LRP1B: variants seen among roughly 807,000 people sequenced by gnomAD.
LRP1B encodes the protein low-density lipoprotein receptor-related protein 1B.
LRP1B carries 217 observed loss-of-function variants against 556.6 expected under a neutral mutation model. The ratio of observed to expected loss-of-function variants is 0.39; its 90% CI spans 0.35 to 0.44. The LOEUF is 0.44. LRP1B is among the 20% of genes least tolerant of loss of function. The pLI, the probability that LRP1B is intolerant of heterozygous loss-of-function variation, is 1.00. For synonymous variants in LRP1B, 2,047 were observed against 1,865.8 expected (o/e 1.10, Z -2.50); for missense variants, 5,053 against 5,620.8 (o/e 0.90, Z 3.23).
chr2:141,483,863 G>A (rs1194778802), intron 2 of LRP1B, among the ~76,000 whole-genome samples: 1 of 150,072 alleles, frequency 6.7e-6, no homozygotes, highest in Non-Finnish European at 1.5e-5. Flanking sequence ...CTGGATATTA[G>A]CCCTTTGTCA....
At position 141,020,105 on chromosome 2, in the gene LRP1B, A is replaced by AT; in HGVS notation, c.1790-4dup. 2 of 1,494,642 alleles carry AT rather than the reference A, an allele frequency of 1.3e-6. No homozygotes were observed. Among genetic ancestry groups the AT allele is most frequent in the Non-Finnish European group, 1.8e-6 (2 of 1,116,820 alleles). The allele number at this position is 1,494,642 out of a possible 1,614,324, so 92.6% of individuals were successfully genotyped here. A position where few individuals can be genotyped will look rare whatever the true frequency, so the allele number is the denominator to read the frequency against. Reference sequence around the variant, plus strand: ...AATGCCCTCTACATTATCCAGATCTATAAAAAAAGCAAAAACAAGAAAGAA... The same window carrying AT: ...AATGCCCTCTACATTATCCAGATCTATTAAAAAAAGCAAAAACAAGAAAGAA... On this transcript the variant is annotated splice_polypyrimidine_tract_variant and splice_region_variant and intron_variant, in intron 11 of 90. Coordinates refer to ENST00000389484, the MANE Select transcript of LRP1B (RefSeq NM_018557.3).
At chr2:140,670,511 C>T (rs1381988422) in intron 41 of LRP1B, among the ~76,000 whole-genome samples, 1 of 152,094 alleles carries the variant, frequency 6.6e-6, no homozygotes, top group African/African-American at 2.4e-5. Context: ...GGTGGAAGAT[C>T]TATTTAGGAG....
At chr2:141,748,055 C>G (rs965365149) in intron 2 of LRP1B, among the ~76,000 whole-genome samples, 20 of 152,240 alleles carry the variant, frequency 1.3e-4, no homozygotes, top group African/African-American at 4.6e-4. Flanking sequence ...TGAAAGGATG[C>G]ACAACATAGT....
At chr2:141,350,422 A>G (rs539391098) in intron 3 of LRP1B, among the ~76,000 whole-genome samples, 1 of 152,158 alleles carries the variant, frequency 6.6e-6, no homozygotes, top group Admixed American at 6.5e-5. Flanking sequence ...AAGGTTTGAA[A>G]GAAAATTTGG....
At chr2:141,944,311 C>A (rs774614981) in intron 1 of LRP1B, among the ~76,000 whole-genome samples, 4 of 152,164 alleles carry the variant, frequency 2.6e-5, no homozygotes, top group Non-Finnish European at 4.4e-5. Flanking sequence ...TGTTGGAATG[C>A]TACTGAAAAG....
At chr2:140,286,663 T>C (rs1683164993) in intron 84 of LRP1B, among the ~76,000 whole-genome samples, 2 of 151,986 alleles carry the variant, frequency 1.3e-5, no homozygotes, top group South Asian at 4.1e-4. Flanking sequence ...TTTCAATGAC[T>C]CAATGCAAAA....
At chr2:142,003,623 A>G (rs1270305330) in intron 1 of LRP1B, among the ~76,000 whole-genome samples, 1 of 152,206 alleles carries the variant, frequency 6.6e-6, no homozygotes, top group African/African-American at 2.4e-5. Context: ...TGCGATGGCA[A>G]CAATAGATAG....
In LRP1B at chr2:140,325,861, A is replaced by G. The variant is rs1434604951; in HGVS notation, c.12241T>C (p.Phe4081Leu). 1.2e-6 allele frequency: 2 copies of G among 1,611,794 alleles called. No individual in the cohort carries two copies. Among genetic ancestry groups the G allele is most frequent in the African/African-American group, 2.7e-5 (2 of 74,986 alleles). ...QRPTGLAVDY[F>L]SERIYWADFE... ...TCAGCCCAATATATGCGTTCACTAAAATAATCCACAGCCAAACCTGCAAAA... is the reference window on the plus strand; with the variant it reads ...TCAGCCCAATATATGCGTTCACTAAGATAATCCACAGCCAAACCTGCAAAA... Residue 4081 changes from phenylalanine (F) to leucine (L), a missense_variant, in exon 80 of 91, where the codon TTT becomes CTT. This residue lies in a region of LRP1B where 22 missense variants were observed against 53.4 expected (regional missense o/e 0.41). Coordinates refer to ENST00000389484, the MANE Select transcript of LRP1B (RefSeq NM_018557.3).
intron 1 of LRP1B, among the ~76,000 whole-genome samples, chr2:141,930,030 G>A (rs1186843333): frequency 6.6e-6 from 1 of 150,522 alleles, no homozygotes; most frequent in African/African-American, 2.4e-5. Context: ...AAATGACCCT[G>A]GCAAATGAGG....
intron 1 of LRP1B, among the ~76,000 whole-genome samples, chr2:141,986,964 G>A (rs922430550): frequency 1.3e-5 from 2 of 151,908 alleles, no homozygotes; most frequent in African/African-American, 4.8e-5. Flanking sequence ...TATGACCTTG[G>A]TAAGTATTTA....
chr2:141,695,958 G>A (rs1368349394), intron 2 of LRP1B, among the ~76,000 whole-genome samples: 1 of 151,864 alleles, frequency 6.6e-6, no homozygotes. Flanking sequence ...AATGAATTTA[G>A]TTCTCCTTGA....
At chr2:141,673,790 C>T (rs2105417242) in intron 2 of LRP1B, among the ~76,000 whole-genome samples, 1 of 152,010 alleles carries the variant, frequency 6.6e-6, no homozygotes, top group East Asian at 1.9e-4. Flanking sequence ...CATTTCAAAT[C>T]TATATTACAT....
intron 1 of LRP1B, among the ~76,000 whole-genome samples, chr2:142,050,378 G>T (rs1323759871): frequency 6.6e-6 from 1 of 151,950 alleles, no homozygotes; most frequent in Non-Finnish European, 1.5e-5. Context: ...TAGCTTGTGT[G>T]TAAGCCATAA....
intron 3 of LRP1B, among the ~76,000 whole-genome samples, chr2:141,415,140 C>G (rs200499892): frequency 6.6e-6 from 1 of 152,022 alleles, no homozygotes; most frequent in South Asian, 2.1e-4. Flanking sequence ...TCAGCCTCCC[C>G]AGTAGCTGGG....
intron 66 of LRP1B, among the ~76,000 whole-genome samples, chr2:140,391,656 G>T (rs1205673235): frequency 6.6e-6 from 1 of 152,042 alleles, no homozygotes; most frequent in Admixed American, 6.6e-5. Context: ...GAATTACAGA[G>T]AATTGCCTGT....
At chr2:141,274,561 T>C (rs747873235) in intron 3 of LRP1B, among the ~76,000 whole-genome samples, 4 of 151,946 alleles carry the variant, frequency 2.6e-5, no homozygotes, top group African/African-American at 9.7e-5. Flanking sequence ...TGTGGGAAAA[T>C]GAGGAGTGAC....
At chr2:142,091,685 A>T (rs1303809757) in intron 1 of LRP1B, among the ~76,000 whole-genome samples, 1 of 152,154 alleles carries the variant, frequency 6.6e-6, no homozygotes, top group African/African-American at 2.4e-5. Flanking sequence ...TCTTTCTTCA[A>T]AGTAAAACTC....
chr2:140,273,399 ATTACT>A (rs72449413), intron 85 of LRP1B, among the ~76,000 whole-genome samples: 9,703 of 152,086 alleles, frequency 0.064, 442 homozygotes, highest in African/African-American at 0.12. Context: ...CATATTTTCA[ATTACT>A]TTACTAAAAA....
intron 41 of LRP1B, among the ~76,000 whole-genome samples, chr2:140,615,422 A>G (rs930836061): frequency 2.0e-5 from 3 of 152,056 alleles, no homozygotes; most frequent in Non-Finnish European, 2.9e-5. Context: ...CTGTCTGACC[A>G]CTTGGATAAC....
Sources: gnomAD v4.1 joint callset for allele counts (sites outside exome capture counted in the v4.1 genomes callset) on GRCh38, gnomAD v4.1.1 for gene constraint, gnomAD v4.1.1 regional missense constraint, MANE v1.5 for transcripts, NCBI Gene and HGNC (gene_info 2026-07-23, HGNC 2026-07-21) for gene names.